The following PLXDC2 variants were observed in gnomAD, a reference collection of about 807,000 sequenced individuals.
PLXDC2 encodes the protein plexin domain containing 2, also known as plexin domain-containing protein 2.
A neutral mutation model predicts 68.9 loss-of-function variants in PLXDC2; 40 were observed. The ratio of observed to expected loss-of-function variants is 0.58; its 90% CI spans 0.45 to 0.76. The LOEUF is 0.76. PLXDC2 is among the 30% of genes least tolerant of loss of function. The pLI, the probability that PLXDC2 is intolerant of heterozygous loss-of-function variation, is 0.00. For synonymous variants in PLXDC2, 243 were observed against 234.2 expected (o/e 1.04, Z -0.34); for missense variants, 644 against 661.9 (o/e 0.97, Z 0.30).
intron 1 of PLXDC2, among the ~76,000 whole-genome samples, chr10:19,913,086 T>A (rs185471700): frequency 6.6e-6 from 1 of 152,328 alleles, no homozygotes; most frequent in East Asian, 1.9e-4. Context: ...CTATACACAA[T>A]GAATTGAATC....
At chr10:20,226,424 C>T (rs182272370) in intron 12 of PLXDC2, among the ~76,000 whole-genome samples, 1 of 152,276 alleles carries the variant, frequency 6.6e-6, no homozygotes, top group African/African-American at 2.4e-5. Flanking sequence ...AAGCTGTTGA[C>T]AAATGTATTT....
chr10:20,214,029 C>G (rs879534604), intron 10 of PLXDC2, among the ~76,000 whole-genome samples: 6 of 152,032 alleles, frequency 3.9e-5, no homozygotes, highest in Admixed American at 1.3e-4. Flanking sequence ...GTTTAATATT[C>G]TATGTAATCT....
intron 9 of PLXDC2, among the ~76,000 whole-genome samples, chr10:20,195,394 G>A (rs1834824078): frequency 6.6e-6 from 1 of 152,108 alleles, no homozygotes; most frequent in Non-Finnish European, 1.5e-5. Context: ...AATCAACCGT[G>A]ATTAGAAATA....
chr10:19,956,889 T>C (rs1388303698), intron 1 of PLXDC2, among the ~76,000 whole-genome samples: 1 of 152,166 alleles, frequency 6.6e-6, no homozygotes, highest in Non-Finnish European at 1.5e-5. Context: ...CATTTCTATT[T>C]TATAGAGCAG....
intron 1 of PLXDC2, among the ~76,000 whole-genome samples, chr10:19,902,492 G>A (rs564887726): frequency 1.6e-4 from 25 of 152,158 alleles, no homozygotes; most frequent in Admixed American, 1.1e-3. Context: ...GGTTGCTGTT[G>A]GTTTATAGCA....
intron 4 of PLXDC2, among the ~76,000 whole-genome samples, chr10:20,102,347 G>A (rs972816272): frequency 6.6e-6 from 1 of 151,948 alleles, no homozygotes; most frequent in East Asian, 1.9e-4. Context: ...CATAATTATC[G>A]TTATCTGTCT....
chr10:20,158,010 C>T (rs114570075), intron 6 of PLXDC2, among the ~76,000 whole-genome samples: 178 of 151,646 alleles, frequency 1.2e-3, no homozygotes, highest in African/African-American at 4.2e-3. Flanking sequence ...TTTAGCTTTG[C>T]TTTAATCTTA....
At chr10:19,937,366 G>A (rs148735274) in intron 1 of PLXDC2, among the ~76,000 whole-genome samples, 1 of 151,506 alleles carries the variant, frequency 6.6e-6, no homozygotes, top group East Asian at 1.9e-4. Context: ...CATCTTCCTG[G>A]GTCACCTGTA....
intron 1 of PLXDC2, among the ~76,000 whole-genome samples, chr10:19,847,229 T>C (rs1837025565): frequency 6.6e-6 from 1 of 152,182 alleles, no homozygotes; most frequent in Non-Finnish European, 1.5e-5. Context: ...TCATAGGCTT[T>C]TGTATAAAGT....
intron 6 of PLXDC2, among the ~76,000 whole-genome samples, chr10:20,156,855 A>C (rs1000103018): frequency 3.3e-5 from 5 of 152,222 alleles, no homozygotes; most frequent in Non-Finnish European, 7.3e-5. Context: ...TGTCAAGTTT[A>C]ACTGAAAGCC....
At chr10:20,251,468 G>T (rs894646452) in intron 13 of PLXDC2, among the ~76,000 whole-genome samples, 7 of 151,910 alleles carry the variant, frequency 4.6e-5, no homozygotes, top group Non-Finnish European at 1.0e-4. Context: ...AATATATCTA[G>T]GTTCTACATT....
At chr10:19,839,108 C>T (rs941124682) in intron 1 of PLXDC2, among the ~76,000 whole-genome samples, 1 of 151,052 alleles carries the variant, frequency 6.6e-6, no homozygotes, top group Non-Finnish European at 1.5e-5. Flanking sequence ...ATCCCTTGAA[C>T]TTGGGAAGCA....
chr10:19,850,769 A>G (rs904750326), intron 1 of PLXDC2, among the ~76,000 whole-genome samples: 2 of 152,176 alleles, frequency 1.3e-5, no homozygotes, highest in East Asian at 3.9e-4. Flanking sequence ...TAAGAAAGCA[A>G]ATCAGGGCTT....
chr10:19,887,768 T>G (rs978812719), intron 1 of PLXDC2, among the ~76,000 whole-genome samples: 2 of 152,130 alleles, frequency 1.3e-5, no homozygotes, highest in Non-Finnish European at 2.9e-5. Flanking sequence ...CTGTCTTGGG[T>G]GTAAAAGTGC....
chr10:20,230,811 C>A, intron 12 of PLXDC2, among the ~76,000 whole-genome samples: 1 of 137,266 alleles, frequency 7.3e-6, no homozygotes, highest in African/African-American at 2.7e-5. Context: ...ACAATACTGA[C>A]AACCACTTTG....
chr10:20,288,747 G>T lies in PLXDC2; in HGVS notation c.*8928G>T, dbSNP rs1164761003. On this transcript the variant is annotated 3_prime_UTR_variant, in exon 14 of 14. Transcript: ENST00000377252. ...ACCAAGTTTCTCTGCAGCTCTTTCG[G>T]TTCTGCTTACAGTGTGTGGGAAATC... The T allele has an allele frequency of 6.6e-6, 1 of 152,078 alleles. No individual in the cohort carries two copies. The highest frequency in any genetic ancestry group is 1.5e-5 in the Non-Finnish European group (1 of 68,016). The allele number at this position is 152,078 out of a possible 1,614,324, so 9.4% of individuals were successfully genotyped here. A position where few individuals can be genotyped will look rare whatever the true frequency, so the allele number is the denominator to read the frequency against.
intron 13 of PLXDC2, among the ~76,000 whole-genome samples, chr10:20,263,854 C>A (rs1039788953): frequency 1.3e-5 from 2 of 152,112 alleles, no homozygotes; most frequent in Admixed American, 6.6e-5. Flanking sequence ...AAAGGGAACC[C>A]TTTTTGCACT....
intron 4 of PLXDC2, among the ~76,000 whole-genome samples, chr10:20,112,641 G>C (rs1166200963): frequency 6.6e-6 from 1 of 152,172 alleles, no homozygotes; most frequent in African/African-American, 2.4e-5. Flanking sequence ...ATAACACTTA[G>C]AGAGTTCTGC....
At chr10:20,187,472 A>T (rs561385550) in intron 9 of PLXDC2, among the ~76,000 whole-genome samples, 1 of 151,940 alleles carries the variant, frequency 6.6e-6, no homozygotes, top group East Asian at 1.9e-4. Context: ...AACATTTAGT[A>T]TGTCTTGGTG....
Sources: allele counts gnomAD v4.1 joint callset (sites outside exome capture counted in the v4.1 genomes callset), GRCh38; gene constraint gnomAD v4.1.1; transcripts MANE v1.5; gene names NCBI Gene and HGNC (gene_info 2026-07-23, HGNC 2026-07-21).